TENM1: variants seen among roughly 807,000 people sequenced by gnomAD.
TENM1 encodes teneurin-1.
Under a neutral mutation model 174.8 loss-of-function variants are expected in TENM1, and 35 were observed. That is an observed-to-expected ratio of 0.20 (90% CI 0.15 to 0.27). The LOEUF (loss-of-function observed/expected upper bound fraction) is 0.27, where lower values mean the gene tolerates loss of function less well. TENM1 is among the 10% of genes least tolerant of loss of function. The pLI is 1.00. For synonymous variants in TENM1, 781 were observed against 798.7 expected (o/e 0.98, Z 0.37); for missense variants, 1,633 against 2,130.1 (o/e 0.77, Z 4.59).
intron 11 of TENM1, among the ~76,000 whole-genome samples, chrX:124,571,766 C>A (rs1298451906): frequency 9.0e-6 from 1 of 111,098 alleles, no homozygotes; most frequent in Non-Finnish European, 1.9e-5. Context: ...AACCTGAGTA[C>A]ACATTAAAAA....
At chrX:125,099,426 A>G in the TENM1 span, among the ~76,000 whole-genome samples, 1 of 112,403 alleles carries the variant, frequency 8.9e-6, no homozygotes, top group South Asian at 3.7e-4. Flanking sequence ...TTTCTCTTCT[A>G]TTCTTTACAG....
intron 1 of TENM1, among the ~76,000 whole-genome samples, chrX:124,938,284 T>G (rs907463800): frequency 1.8e-5 from 2 of 111,932 alleles, no homozygotes; most frequent in Non-Finnish European, 3.8e-5. Flanking sequence ...AAGTTCAAAT[T>G]ATAAGGGCAA....
At chrX:124,493,356 G>A (rs775073951) in intron 20 of TENM1, among the ~76,000 whole-genome samples, 13 of 111,484 alleles carry the variant, frequency 1.2e-4, no homozygotes, top group Non-Finnish European at 2.1e-4. Flanking sequence ...GTAAATTTAC[G>A]TTTAAATTAC....
the TENM1 span, among the ~76,000 whole-genome samples, chrX:125,027,751 C>CTACA: frequency 9.2e-6 from 1 of 109,071 alleles, no homozygotes; most frequent in Non-Finnish European, 1.9e-5. Context: ...GTAGCTGGAA[C>CTACA]TACAGGTGGC....
chrX:124,557,389 G>GT (rs199851633), intron 14 of TENM1, among the ~76,000 whole-genome samples: 12 of 106,680 alleles, frequency 1.1e-4, no homozygotes, highest in African/African-American at 2.0e-4. Context: ...CAAATTTATT[G>GT]TTTTTTTTTC....
At chrX:125,080,146 G>A in the TENM1 span, among the ~76,000 whole-genome samples, 1 of 110,889 alleles carries the variant, frequency 9.0e-6, no homozygotes, top group Non-Finnish European at 1.9e-5. Context: ...TCAGATTCTC[G>A]ATCCCACCTC....
At chrX:125,070,373 G>T in the TENM1 span, among the ~76,000 whole-genome samples, 1 of 110,911 alleles carries the variant, frequency 9.0e-6, no homozygotes, top group African/African-American at 3.3e-5. Flanking sequence ...TTTTTTAATG[G>T]AGTTGTTTGT....
At chrX:124,426,767 G>A (rs752019738) in intron 23 of TENM1, among the ~76,000 whole-genome samples, 10 of 112,264 alleles carry the variant, frequency 8.9e-5, no homozygotes, top group Non-Finnish European at 1.9e-4. Flanking sequence ...CTGAGCTTGT[G>A]TTATGCATGT....
At chrX:124,510,039 T>G (rs1408337393) in intron 18 of TENM1, among the ~76,000 whole-genome samples, 4 of 112,502 alleles carry the variant, frequency 3.6e-5, no homozygotes, top group African/African-American at 1.3e-4. Context: ...TCTGGAATTT[T>G]TATCAATGAT....
chrX:124,662,411 G>A (rs374986991), intron 6 of TENM1, among the ~76,000 whole-genome samples: 2 of 98,565 alleles, frequency 2.0e-5, no homozygotes, highest in East Asian at 3.2e-4. Context: ...CCAAGATCGC[G>A]CCATTGCACT....
At chrX:124,496,869 C>G (rs1326369153) in intron 20 of TENM1, 147 bp downstream of exon 23, 2 of 552,133 alleles carry the variant, frequency 3.6e-6, no homozygotes, top group African/African-American at 4.6e-5. Flanking sequence ...GCATGTTGAC[C>G]TTTGTCCCTA....
At chrX:124,436,888 T>A in intron 23 of TENM1, among the ~76,000 whole-genome samples, 2 of 107,195 alleles carry the variant, frequency 1.9e-5, no homozygotes, top group Middle Eastern at 9.7e-3. Flanking sequence ...CTATATTAAA[T>A]CCTCTCTGTT....
exon 32 of TENM1, chrX:124,376,461 A>C (rs181447625): frequency 8.9e-6 from 1 of 112,396 alleles, no homozygotes; most frequent in African/African-American, 3.2e-5. Context: ...TTAAGAGGTT[A>C]AAGTCCACCA....
chrX:125,064,109 A>G, the TENM1 span, among the ~76,000 whole-genome samples: 1 of 103,179 alleles, frequency 9.7e-6, no homozygotes, highest in African/African-American at 3.5e-5. Context: ...GAATTGAACA[A>G]TGAGAACACA....
Position 124,950,342 on chromosome X carries a change from G to A in TENM1, c.217+13195C>T, listed in dbSNP as rs192736635. ...GTTTGTTAAATACTTGACCTATTAC[G>A]TGCAAAATATTGCACTGTATCAAAG... On this transcript the variant is annotated intron_variant, in intron 1 of 31. Coordinates refer to ENST00000422452, the Ensembl canonical transcript of TENM1. Among the ~76,000 whole-genome samples the A allele has an allele frequency of 2.4e-3, 271 of 111,325 alleles. 1 individual carries two copies. Among genetic ancestry groups the A allele is most frequent in the African/African-American group, 7.7e-3 (235 of 30,644 alleles).
intron 3 of TENM1, among the ~76,000 whole-genome samples, chrX:124,759,447 T>G (rs760722760): frequency 9.0e-6 from 1 of 111,677 alleles, no homozygotes; most frequent in Non-Finnish European, 1.9e-5. Flanking sequence ...GAACCCAATT[T>G]GTAGTCTTTC....
intron 6 of TENM1, among the ~76,000 whole-genome samples, chrX:124,662,468 A>C (rs1187151429): frequency 9.2e-6 from 1 of 108,399 alleles, no homozygotes; most frequent in Non-Finnish European, 1.9e-5. Flanking sequence ...AAAAAAAAAA[A>C]AAAAAAAAGT....
At chrX:125,165,864 A>G in the TENM1 span, among the ~76,000 whole-genome samples, 1 of 111,513 alleles carries the variant, frequency 9.0e-6, no homozygotes. Flanking sequence ...TCTTGCCATT[A>G]AAGAGAAAAT....
At chrX:124,913,156 T>TC (rs2057863509) in intron 1 of TENM1, among the ~76,000 whole-genome samples, 1 of 111,402 alleles carries the variant, frequency 9.0e-6, no homozygotes, top group Admixed American at 9.6e-5. Context: ...AACTAGCAAT[T>TC]TATATCTACT....
Sources: allele counts gnomAD v4.1 joint callset (sites outside exome capture counted in the v4.1 genomes callset), GRCh38; gene constraint gnomAD v4.1.1; transcripts MANE v1.5; gene names NCBI Gene and HGNC (gene_info 2026-07-23, HGNC 2026-07-21).